The following NEGR1 variants were observed in gnomAD, a reference collection of about 807,000 sequenced individuals.
NEGR1 encodes IgLON family member 4.
Under a neutral mutation model 40.9 loss-of-function variants are expected in NEGR1, and 10 were observed. That is an observed-to-expected ratio of 0.24 (90% CI 0.15 to 0.42). The LOEUF is 0.42. NEGR1 is among the 10% of genes least tolerant of loss of function. The pLI is 1.00. For missense variants in NEGR1, 352 were observed against 438.9 expected (o/e 0.80, Z 1.77); for synonymous variants, 185 against 166.8 (o/e 1.11, Z -0.84).
intron 1 of NEGR1, among the ~76,000 whole-genome samples, chr1:72,012,079 G>T (rs906741455): frequency 2.0e-5 from 3 of 151,994 alleles, no homozygotes; most frequent in Admixed American, 2.0e-4. Flanking sequence ...TGGACAGGTA[G>T]AACAATTATA....
At chr1:72,213,523 T>G in intron 1 of NEGR1, among the ~76,000 whole-genome samples, 1 of 151,982 alleles carries the variant, frequency 6.6e-6, no homozygotes, top group Non-Finnish European at 1.5e-5. Context: ...TCTTCAGTGA[T>G]TACGACCTGT....
chr1:72,102,146 C>T (rs987141145), intron 1 of NEGR1, among the ~76,000 whole-genome samples: 1 of 151,920 alleles, frequency 6.6e-6, no homozygotes, highest in African/African-American at 2.4e-5. Context: ...CTCAATCAAG[C>T]CTGCCTTACA....
chr1:71,684,326 T>G (rs1326731943), intron 4 of NEGR1, among the ~76,000 whole-genome samples: 2 of 152,080 alleles, frequency 1.3e-5, no homozygotes, highest in African/African-American at 4.8e-5. Context: ...TAAAATTATT[T>G]TATCATTCTT....
intron 1 of NEGR1, among the ~76,000 whole-genome samples, chr1:72,206,213 G>A (rs1242393449): frequency 6.6e-6 from 1 of 151,808 alleles, no homozygotes; most frequent in African/African-American, 2.4e-5. Context: ...GAATGTGTAT[G>A]GGAAATGCTA....
chr1:72,222,556 C>A (rs945291444), intron 1 of NEGR1, among the ~76,000 whole-genome samples: 1 of 152,048 alleles, frequency 6.6e-6, no homozygotes, highest in Non-Finnish European at 1.5e-5. Flanking sequence ...ACTTCCTGAC[C>A]AACAATGTAA....
intron 1 of NEGR1, among the ~76,000 whole-genome samples, chr1:71,935,897 C>G (rs1464790950): frequency 6.6e-6 from 1 of 152,126 alleles, no homozygotes; most frequent in Non-Finnish European, 1.5e-5. Flanking sequence ...CTGTTGGGTT[C>G]AAGCAATTCT....
intron 1 of NEGR1, among the ~76,000 whole-genome samples, chr1:72,019,024 TC>T (rs1646734812): frequency 6.6e-6 from 1 of 152,086 alleles, no homozygotes; most frequent in African/African-American, 2.4e-5. Flanking sequence ...ACATTGGAAA[TC>T]AAGACATATG....
In NEGR1 at chr1:71,690,565, A is replaced by AACACACAC. The variant is rs3980432; in HGVS notation, c.667+7435_667+7442dup. Among the ~76,000 whole-genome samples, 498 of 119,266 alleles carry AACACACAC rather than the reference A, an allele frequency of 4.2e-3. 4 individuals carry two copies. The highest frequency in any genetic ancestry group is 0.015 in the African/African-American group (473 of 30,820). The allele number at this position is 119,266 out of a possible 152,430, so 78.2% of individuals were successfully genotyped here. ...ACAAATGCACACATATAAGTTATAT[A>AACACACAC]ACACACACACACACACACACACACA... On this transcript the variant is annotated intron_variant, in intron 4 of 6. Coordinates refer to ENST00000357731, the MANE Select transcript of NEGR1 (RefSeq NM_173808.3).
At chr1:71,531,352 A>C (rs72938083) in intron 6 of NEGR1, among the ~76,000 whole-genome samples, 169 of 151,450 alleles carry the variant, frequency 1.1e-3, no homozygotes, top group Non-Finnish European at 2.0e-3. Context: ...TAGGGCAATG[A>C]CCAAAAAAGG....
Position 71,405,441 on chromosome 1 carries a change from C to T in NEGR1, c.*2005G>A, listed in dbSNP as rs1186374911. On this transcript the variant is annotated 3_prime_UTR_variant, in exon 7 of 7. Transcript: ENST00000357731. The stretch of plus-strand genomic sequence containing the variant: ...AAATAATATTTTATAGTTTATTCAA[C>T]AATTCCACAAAGAATATTTCTTAAA... 2.6e-5 allele frequency: 4 copies of T among 152,130 alleles called. No individual in the cohort carries two copies. The highest frequency in any genetic ancestry group is 4.4e-5 in the Non-Finnish European group (3 of 67,748). The allele number at this position is 152,130 out of a possible 1,614,324, so 9.4% of individuals were successfully genotyped here.
At chr1:71,698,384 T>C (rs1015054138) in intron 3 of NEGR1, among the ~76,000 whole-genome samples, 4 of 151,914 alleles carry the variant, frequency 2.6e-5, no homozygotes, top group Admixed American at 6.6e-5. Context: ...TTTTAATTGA[T>C]TGTGGTCTCC....
chr1:71,460,424 C>G (rs969598226), intron 6 of NEGR1, among the ~76,000 whole-genome samples: 2 of 152,190 alleles, frequency 1.3e-5, no homozygotes, highest in Non-Finnish European at 2.9e-5. Context: ...TCCCATCTTA[C>G]ATTTTGTACC....
chr1:71,688,391 A>ATATAT lies in NEGR1; in HGVS notation c.667+9616_667+9617insATATA, dbSNP rs1428936905. ...TGAGATATATACATAAAAGATATAT[A>ATATAT]AAATATATATATAAGATATATATAA... is the stretch of plus-strand genomic sequence containing the variant. On this transcript the variant is annotated intron_variant, in intron 4 of 6. Transcript: ENST00000357731. Among the ~76,000 whole-genome samples, 44 of 26,902 alleles carry ATATAT rather than the reference A, an allele frequency of 1.6e-3. 1 individual carries two copies. Among genetic ancestry groups the ATATAT allele is most frequent in the East Asian group, 5.8e-3 (6 of 1,034 alleles). The allele number at this position is 26,902 out of a possible 152,430, so 17.6% of individuals were successfully genotyped here.
intron 1 of NEGR1, among the ~76,000 whole-genome samples, chr1:71,955,189 G>A (rs1199270824): frequency 6.6e-6 from 1 of 152,050 alleles, no homozygotes; most frequent in Non-Finnish European, 1.5e-5. Flanking sequence ...TATGTTACAC[G>A]GAGTTGTCTA....
chr1:71,858,873 C>A (rs1659860619), intron 2 of NEGR1, among the ~76,000 whole-genome samples: 2 of 151,724 alleles, frequency 1.3e-5, no homozygotes, highest in African/African-American at 4.8e-5. Flanking sequence ...TTTTTAAAAC[C>A]AAAAATTGTA....
intron 1 of NEGR1, among the ~76,000 whole-genome samples, chr1:72,247,907 TCCGCTTGGATTCTG>T (rs1366794927): frequency 6.6e-6 from 1 of 152,092 alleles, no homozygotes; most frequent in Non-Finnish European, 1.5e-5. Flanking sequence ...GGTGCCAACA[TCCGCTTGGATTCTG>T]GGGAGGCATC....
At chr1:71,676,102 T>C (rs1369233591) in intron 4 of NEGR1, among the ~76,000 whole-genome samples, 1 of 152,170 alleles carries the variant, frequency 6.6e-6, no homozygotes, top group Non-Finnish European at 1.5e-5. Flanking sequence ...AGAGTTAAAA[T>C]AATCTTATTT....
intron 3 of NEGR1, among the ~76,000 whole-genome samples, chr1:71,733,057 G>A (rs1456502504): frequency 6.7e-6 from 1 of 149,820 alleles, no homozygotes; most frequent in Non-Finnish European, 1.5e-5. Flanking sequence ...AGTCAAATAT[G>A]GTCACAGGAT....
intron 3 of NEGR1, among the ~76,000 whole-genome samples, chr1:71,723,750 G>A (rs1443019732): frequency 2.0e-5 from 3 of 152,126 alleles, no homozygotes; most frequent in African/African-American, 7.2e-5. Context: ...CAGAACCAGA[G>A]AGGGGGAAGT....
Sources: gnomAD v4.1 joint callset for allele counts (sites outside exome capture counted in the v4.1 genomes callset) on GRCh38, gnomAD v4.1.1 for gene constraint, MANE v1.5 for transcripts, NCBI Gene and HGNC (gene_info 2026-07-23, HGNC 2026-07-21) for gene names.